The following RALGAPA1 variants were observed in gnomAD, a reference collection of about 807,000 sequenced individuals.
RALGAPA1 encodes Ral GTPase activating protein catalytic subunit alpha 1, also known as ral GTPase-activating protein subunit alpha-1.
A neutral mutation model predicts 269.6 loss-of-function variants in RALGAPA1; 52 were observed. That is an observed-to-expected ratio of 0.19 (90% confidence interval 0.15 to 0.24). The LOEUF (loss-of-function observed/expected upper bound fraction) is 0.24, where lower values mean the gene tolerates loss of function less well. Ranked by LOEUF, RALGAPA1 falls within the 10% of genes least tolerant of loss-of-function variation. The pLI, the probability that RALGAPA1 is intolerant of heterozygous loss-of-function variation, is 1.00. For missense variants in RALGAPA1, 1,917 were observed against 3,013.9 expected, an observed-to-expected ratio of 0.64 and a Z score of 8.52; for synonymous variants, 817 against 1,008.3, an observed-to-expected ratio of 0.81 and a Z score of 3.60.
chr14:35,595,924 G>GT (rs2058906406), intron 36 of RALGAPA1, 135 bp from the exon 37 acceptor site: 3 of 644,250 alleles, frequency 4.7e-6, no homozygotes, highest in Non-Finnish European at 5.3e-6. Flanking sequence ...ATTTAATCTA[G>GT]AATTGTTAGA....
intron 6 of RALGAPA1, among the ~76,000 whole-genome samples, chr14:35,760,308 T>C (rs2073593423): frequency 6.6e-6 from 1 of 152,156 alleles, no homozygotes; most frequent in African/African-American, 2.4e-5. Context: ...TGAGCATGCC[T>C]TTCATATTCA....
At chr14:35,790,190 T>G (rs1307374691) in intron 1 of RALGAPA1, among the ~76,000 whole-genome samples, 4 of 149,950 alleles carry the variant, frequency 2.7e-5, no homozygotes, top group Non-Finnish European at 5.9e-5. Context: ...GAGGCAGTGG[T>G]TGCAGTGAGC....
intron 36 of RALGAPA1, among the ~76,000 whole-genome samples, chr14:35,601,735 C>T (rs1438990317): frequency 6.6e-6 from 1 of 152,134 alleles, no homozygotes; most frequent in Non-Finnish European, 1.5e-5. Context: ...GTCTTTTCTC[C>T]ATCTTTCAGA....
rs766254096 is a variant in RALGAPA1 at position 35,635,398 on chromosome 14, A to G, written c.5811+66T>C. On this transcript the variant is annotated intron_variant, in intron 32 of 41. Coordinates refer to ENST00000680220, the MANE Select transcript of RALGAPA1 (RefSeq NM_001346249.2). ...AAAGAATAAAAATGTTATACTGAGAAATGTTATTTCTCTAGGTTTTAAAAA... is the reference window on the plus strand; with the variant it reads ...AAAGAATAAAAATGTTATACTGAGAGATGTTATTTCTCTAGGTTTTAAAAA... 6.9e-6 allele frequency: 10 copies of G among 1,445,138 alleles called. No individual in the cohort carries two copies. In the South Asian group the frequency reaches 1.6e-4, roughly 22 times the overall value. The allele number at this position is 1,445,138 out of a possible 1,614,324, so 89.5% of individuals were successfully genotyped here. A position where few individuals can be genotyped will look rare whatever the true frequency, so the allele number is the denominator to read the frequency against.
intron 39 of RALGAPA1, among the ~76,000 whole-genome samples, chr14:35,561,512 T>G (rs2056245681): frequency 7.3e-6 from 1 of 137,464 alleles, no homozygotes; most frequent in South Asian, 2.5e-4. Context: ...AGGAGTTTTT[T>G]TTTTTTTTTT....
chr14:35,570,296 G>T (rs1317233606), intron 39 of RALGAPA1, among the ~76,000 whole-genome samples: 1 of 148,274 alleles, frequency 6.7e-6, no homozygotes. Context: ...GCATGTGAAA[G>T]AAAATATATC....
chr14:35,632,681 T>G (rs958960960), intron 33 of RALGAPA1, among the ~76,000 whole-genome samples: 1 of 152,214 alleles, frequency 6.6e-6, no homozygotes, highest in Non-Finnish European at 1.5e-5. Context: ...AAAAGCCAAC[T>G]TCACTACCTT....
At chr14:35,774,929 A>G (rs1234723726) in intron 3 of RALGAPA1, 77 bp downstream of exon 3, 7 of 878,880 alleles carry the variant, frequency 8.0e-6, no homozygotes, top group Non-Finnish European at 1.3e-5. Context: ...TACATGTTTT[A>G]TAATTTAAAT....
chr14:35,591,403 C>T (rs1413143321), intron 37 of RALGAPA1, among the ~76,000 whole-genome samples: 11 of 152,078 alleles, frequency 7.2e-5, no homozygotes, highest in Admixed American at 7.2e-4. Flanking sequence ...GTAGCCTGGA[C>T]ATCCCAGGCT....
chr14:35,575,336 T>C (rs2057481312), intron 37 of RALGAPA1, among the ~76,000 whole-genome samples: 1 of 152,198 alleles, frequency 6.6e-6, no homozygotes, highest in African/African-American at 2.4e-5. Flanking sequence ...TGAAGTCATT[T>C]TGGAACTCAA....
In RALGAPA1 at chr14:35,688,778, CACACCAGGTTTTACTAGCT is replaced by C; in HGVS notation, c.3614_3632del (p.Glu1205GlyfsTer5). The C allele has an allele frequency of 7.0e-7, 1 of 1,427,644 alleles. No individual in the cohort carries two copies. Among genetic ancestry groups the C allele is most frequent in the Non-Finnish European group, 9.1e-7 (1 of 1,096,140 alleles). 88.4% of individuals were successfully genotyped at this position (1,427,644 alleles called of 1,614,324 possible). On this transcript the variant is annotated frameshift_variant, in exon 18 of 42. Transcript: ENST00000680220. LOFTEE classifies it high-confidence loss of function. Reference sequence around the variant, plus strand: ...TACCAAGTGTATCTAGAGGTCTGTACACACCAGGTTTTACTAGCTCTGTAGCACTATTTGTGCTGGTATG... The same window carrying C: ...TACCAAGTGTATCTAGAGGTCTGTACCTGTAGCACTATTTGTGCTGGTATG...
intron 35 of RALGAPA1, 145 bp from the exon 36 acceptor site, chr14:35,605,854 G>T: frequency 1.1e-6 from 1 of 915,028 alleles, no homozygotes; most frequent in East Asian, 3.3e-5. Context: ...AGATATAAAT[G>T]CAATGTAAGT....
intron 1 of RALGAPA1, among the ~76,000 whole-genome samples, chr14:35,797,416 C>T (rs2076655517): frequency 1.3e-5 from 2 of 149,082 alleles, no homozygotes; most frequent in Non-Finnish European, 3.0e-5. Context: ...ATAAAGAATC[C>T]ATCACATACA....
At chr14:35,643,491 A>G (rs145380880) in intron 31 of RALGAPA1, among the ~76,000 whole-genome samples, 1 of 152,294 alleles carries the variant, frequency 6.6e-6, no homozygotes, top group African/African-American at 2.4e-5. Context: ...TCAAAAAACT[A>G]ACAAAGATAA....
At chr14:35,579,606 C>CAAA (rs11397749) in intron 37 of RALGAPA1, among the ~76,000 whole-genome samples, 16 of 133,112 alleles carry the variant, frequency 1.2e-4, no homozygotes, top group African/African-American at 2.5e-4. Context: ...GACTCCGTCT[C>CAAA]AAAAAAAAAA....
chr14:35,749,088 CTCAG>C (rs1485759070), intron 9 of RALGAPA1, among the ~76,000 whole-genome samples: 9 of 152,132 alleles, frequency 5.9e-5, no homozygotes, highest in Non-Finnish European at 1.2e-4. Context: ...ATATATTCTT[CTCAG>C]TAAGTTTGCA....
chr14:35,633,595 T>C (rs1309032988), intron 33 of RALGAPA1, among the ~76,000 whole-genome samples: 1 of 152,134 alleles, frequency 6.6e-6, no homozygotes, highest in Non-Finnish European at 1.5e-5. Context: ...GCTGTTGTTA[T>C]ACAAAAGTAA....
intron 37 of RALGAPA1, among the ~76,000 whole-genome samples, chr14:35,585,447 A>C (rs921388887): frequency 4.3e-3 from 5 of 1,170 alleles, no homozygotes; most frequent in Admixed American, 0.031. Context: ...ATGAAAATGC[A>C]AAAGTTCTGT....
chr14:35,582,155 G>A (rs1310425080), intron 37 of RALGAPA1, among the ~76,000 whole-genome samples: 3 of 152,130 alleles, frequency 2.0e-5, no homozygotes, highest in Non-Finnish European at 4.4e-5. Flanking sequence ...CCACTTATTC[G>A]AGGTTCCTAG....
Sources: gnomAD v4.1 joint callset for allele counts (sites outside exome capture counted in the v4.1 genomes callset) on GRCh38, gnomAD v4.1.1 for gene constraint, MANE v1.5 for transcripts, NCBI Gene and HGNC (gene_info 2026-07-23, HGNC 2026-07-21) for gene names.